The following SASH1 variants were observed in gnomAD, a reference collection of about 807,000 sequenced individuals.
The protein encoded by SASH1 is SAM and SH3 domain containing 1, also known as SAM and SH3 domain-containing protein 1.
Under a neutral mutation model 125.2 loss-of-function variants are expected in SASH1, and 44 were observed. That is an observed-to-expected ratio of 0.35 (90% CI 0.28 to 0.45). The LOEUF is 0.45. Ranked by LOEUF, SASH1 falls within the 20% of genes least tolerant of loss-of-function variation. The pLI is 1.00. For missense variants in SASH1, 1,426 were observed against 1,614.5 expected (o/e 0.88, Z 2.00); for synonymous variants, 639 against 649.1 (o/e 0.98, Z 0.24).
chr6:148,223,382 A>T, the SASH1 span, among the ~76,000 whole-genome samples: 1 of 152,258 alleles, frequency 6.6e-6, no homozygotes, highest in Non-Finnish European at 1.5e-5. Context: ...ATTTCAGATT[A>T]TGCTGGAATC....
intron 1 of SASH1, among the ~76,000 whole-genome samples, chr6:148,319,084 G>A (rs1338003700): frequency 7.7e-6 from 1 of 129,612 alleles, no homozygotes; most frequent in East Asian, 2.5e-4. Flanking sequence ...CCAGGCTGGA[G>A]TGCAGTGGCG....
chr6:148,298,042 T>C (rs1779810393), intron 1 of SASH1, among the ~76,000 whole-genome samples: 1 of 150,910 alleles, frequency 6.6e-6, no homozygotes, highest in South Asian at 2.1e-4. Context: ...AGTCTCGCTC[T>C]GTCGCCCAGG....
chr6:148,385,513 C>T (rs1178994018), intron 1 of SASH1, among the ~76,000 whole-genome samples: 2 of 152,168 alleles, frequency 1.3e-5, no homozygotes, highest in Non-Finnish European at 1.5e-5. Flanking sequence ...AATGAGTTGA[C>T]TGATGGCTGG....
chr6:148,334,289 G>T (rs1350671026), intron 1 of SASH1, among the ~76,000 whole-genome samples: 1 of 148,844 alleles, frequency 6.7e-6, no homozygotes, highest in African/African-American at 2.5e-5. Context: ...TTAGCCGGGC[G>T]TGATGGCGGG....
At chr6:148,366,350 T>C (rs1782457280) in intron 1 of SASH1, among the ~76,000 whole-genome samples, 1 of 152,140 alleles carries the variant, frequency 6.6e-6, no homozygotes, top group African/African-American at 2.4e-5. Flanking sequence ...AGGTAGACAC[T>C]GTGCTGAGGA....
chr6:148,299,101 T>C (rs1410444572), intron 1 of SASH1, among the ~76,000 whole-genome samples: 1 of 152,214 alleles, frequency 6.6e-6, no homozygotes, highest in Non-Finnish European at 1.5e-5. Flanking sequence ...AGGGAATTCA[T>C]TCAACAAATA....
chr6:148,245,308 C>G, the SASH1 span, among the ~76,000 whole-genome samples: 37 of 152,120 alleles, frequency 2.4e-4, no homozygotes, highest in Non-Finnish European at 4.1e-4. Flanking sequence ...GTTGTAGATG[C>G]TAATAATAAA....
At chr6:148,297,184 C>T (rs975102287) in intron 1 of SASH1, among the ~76,000 whole-genome samples, 6 of 152,176 alleles carry the variant, frequency 3.9e-5, no homozygotes, top group African/African-American at 1.2e-4. Flanking sequence ...CACGCTGTCG[C>T]GGGGAGCAGC....
intron 1 of SASH1, among the ~76,000 whole-genome samples, chr6:148,383,521 TG>T (rs1336192686): frequency 1.3e-5 from 2 of 152,134 alleles, no homozygotes; most frequent in Non-Finnish European, 2.9e-5. Flanking sequence ...AGTTTTCCCT[TG>T]GGGAAAACTT....
At chr6:148,485,641 A>G (rs1778806524) in intron 7 of SASH1, among the ~76,000 whole-genome samples, 2 of 152,174 alleles carry the variant, frequency 1.3e-5, no homozygotes, top group South Asian at 4.1e-4. Flanking sequence ...CCCAGCTGGT[A>G]TTTGGTTCTG....
At chr6:148,369,823 G>T (rs1195711019) in intron 1 of SASH1, among the ~76,000 whole-genome samples, 1 of 151,746 alleles carries the variant, frequency 6.6e-6, no homozygotes, top group Non-Finnish European at 1.5e-5. Context: ...GTGTGGTGGT[G>T]TGTGCTTGTA....
At chr6:148,271,084 A>G (rs561959914), upstream of SASH1, among the ~76,000 whole-genome samples, 45 of 151,952 alleles carry the variant, frequency 3.0e-4, 1 homozygote, top group Admixed American at 3.9e-4. Flanking sequence ...TAATTTTTGT[A>G]CTTTTATTAG....
chr6:148,325,405 T>C (rs1206376220), intron 1 of SASH1, among the ~76,000 whole-genome samples: 3 of 151,960 alleles, frequency 2.0e-5, no homozygotes, highest in African/African-American at 7.3e-5. Context: ...GCCTCCCAAG[T>C]AACTGGGTTT....
At chr6:148,299,433 G>A (rs1476890019) in intron 1 of SASH1, among the ~76,000 whole-genome samples, 1 of 152,022 alleles carries the variant, frequency 6.6e-6, no homozygotes, top group Non-Finnish European at 1.5e-5. Context: ...TTGGGAGGCC[G>A]AGGTGGGTGG....
At chr6:148,235,677 C>T in the SASH1 span, among the ~76,000 whole-genome samples, 1 of 152,066 alleles carries the variant, frequency 6.6e-6, no homozygotes, top group Non-Finnish European at 1.5e-5. Context: ...CTCACAGGGA[C>T]CAGTACAAAC....
intron 4 of SASH1, among the ~76,000 whole-genome samples, chr6:148,460,520 C>A (rs188179823): frequency 6.6e-6 from 1 of 152,136 alleles, no homozygotes. Flanking sequence ...CCATTTCTTT[C>A]GGAGAGTTAA....
Position 148,485,571 on chromosome 6 carries a change from C to G in SASH1, c.628-2043C>G, listed in dbSNP as rs1402004153. ...TCTGTAAGACAGATTTATCGTCATG[C>G]CTGTTTTCCAGGTGGAGGAACCGAA... is the stretch of plus-strand genomic sequence containing the variant. On this transcript the variant is annotated intron_variant, in intron 7 of 19. Coordinates refer to ENST00000367467, the MANE Select transcript of SASH1 (RefSeq NM_015278.5). Among the ~76,000 whole-genome samples, 3 of 152,248 alleles carry G rather than the reference C, an allele frequency of 2.0e-5. No individual in the cohort carries two copies. The East Asian group carries it at 5.8e-4, about 29-fold the overall frequency.
the SASH1 span, among the ~76,000 whole-genome samples, chr6:148,194,739 CTACTAAAAA>C: frequency 3.9e-5 from 6 of 152,180 alleles, no homozygotes; most frequent in Non-Finnish European, 7.4e-5. Flanking sequence ...AACCCCGTCT[CTACTAAAAA>C]TACTAAAAAT....
intron 1 of SASH1, among the ~76,000 whole-genome samples, chr6:148,301,190 G>A (rs906114772): frequency 1.2e-4 from 18 of 151,740 alleles, no homozygotes; most frequent in African/African-American, 4.1e-4. Context: ...GCCGGGAGTG[G>A]TGGTGCATGC....
Sources: allele counts gnomAD v4.1 joint callset (sites outside exome capture counted in the v4.1 genomes callset), GRCh38; gene constraint gnomAD v4.1.1; transcripts MANE v1.5; gene names NCBI Gene and HGNC (gene_info 2026-07-23, HGNC 2026-07-21).